MECR: variants seen among roughly 807,000 people sequenced by gnomAD.
MECR encodes the protein enoyl-[acyl-carrier-protein] reductase, mitochondrial.
In MECR, 37 loss-of-function variants were observed where a neutral mutation model predicts 49.1. The observed-to-expected ratio is 0.75, with a 90% confidence interval of 0.58 to 0.99. The LOEUF (loss-of-function observed/expected upper bound fraction) is 0.99. Among genes scored for constraint, MECR ranks in the 50% least tolerant of loss-of-function variants. The probability of loss-of-function intolerance (pLI) is 0.00; values close to 1 mark genes in which losing one functional copy is unlikely to be tolerated. For synonymous variants in MECR, 198 were observed against 191.1 expected (o/e 1.04, Z -0.30); for missense variants, 470 against 479.6 (o/e 0.98, Z 0.19).
chr1:29,206,716 CT>C (rs1676673591), intron 4 of MECR, 45 bp downstream of exon 4: 1 of 1,605,900 alleles, frequency 6.2e-7, no homozygotes, highest in Non-Finnish European at 8.5e-7. Flanking sequence ...GAGTGGCACC[CT>C]AGTTGCGAGA....
At chr1:29,170,966 CTT>C in the MECR span, 1 of 152,184 alleles carries the variant, frequency 6.6e-6, no homozygotes, top group Admixed American at 6.5e-5. Flanking sequence ...GCCTGGGAGA[CTT>C]TCATCTCAAC....
chr1:29,217,391 T>TTA (rs1350880307), intron 1 of MECR, among the ~76,000 whole-genome samples: 29 of 151,544 alleles, frequency 1.9e-4, no homozygotes, highest in African/African-American at 6.5e-4. Flanking sequence ...ATTTATTTAT[T>TTA]TTTTTAGTAG....
At chr1:29,186,920 A>G in the MECR span, among the ~76,000 whole-genome samples, 65 of 152,220 alleles carry the variant, frequency 4.3e-4, no homozygotes, top group Non-Finnish European at 8.1e-4. Flanking sequence ...TAACATCTCA[A>G]TGACATAGGA....
intron 4 of MECR, among the ~76,000 whole-genome samples, chr1:29,205,122 T>C (rs534164197): frequency 6.6e-6 from 1 of 152,136 alleles, no homozygotes; most frequent in East Asian, 1.9e-4. Context: ...AACAATGGGG[T>C]GTGAGAATTA....
the MECR span, among the ~76,000 whole-genome samples, chr1:29,185,556 C>T: frequency 1.3e-5 from 2 of 152,206 alleles, no homozygotes; most frequent in African/African-American, 4.8e-5. Flanking sequence ...GCTGGGATTA[C>T]AGGCATGTGC....
At chr1:29,185,890 G>C in the MECR span, among the ~76,000 whole-genome samples, 1 of 152,084 alleles carries the variant, frequency 6.6e-6, no homozygotes, top group African/African-American at 2.4e-5. Flanking sequence ...AGGCTGAGAT[G>C]GGGGGGATCT....
intron 3 of MECR, among the ~76,000 whole-genome samples, chr1:29,211,501 G>A (rs1387225869): frequency 6.6e-6 from 1 of 152,206 alleles, no homozygotes; most frequent in Non-Finnish European, 1.5e-5. Context: ...TTACTATTTG[G>A]CCCTTTAAGA....
Position 29,201,886 on chromosome 1 carries a change from A to G in MECR, c.756+57T>C. 13 of 1,409,272 alleles carry G rather than the reference A, an allele frequency of 9.2e-6. No individual in the cohort carries two copies. Among genetic ancestry groups the G allele is most frequent in the African/African-American group, 1.4e-5 (1 of 70,524 alleles). The allele number at this position is 1,409,272 out of a possible 1,614,324, so 87.3% of individuals were successfully genotyped here. ...TCCCCAGTTTCTCTAATGCATGTCAACTTTCTTCAGGGAGATGTGCGTGGA... is the reference window on the plus strand; with the variant it reads ...TCCCCAGTTTCTCTAATGCATGTCAGCTTTCTTCAGGGAGATGTGCGTGGA... On this transcript the variant is annotated intron_variant, in intron 6 of 9. Coordinates refer to ENST00000263702, the MANE Select transcript of MECR (RefSeq NM_016011.5). The surrounding 1 kb of genome is among the most constrained non-coding windows in gnomAD (Gnocchi z 4.3).
At chr1:29,181,755 C>G in the MECR span, 4 of 1,574,894 alleles carry the variant, frequency 2.5e-6, no homozygotes, top group Non-Finnish European at 2.6e-6. Context: ...CGCGGCATCC[C>G]GGCAACGGCA....
At chr1:29,211,428 G>A (rs1350372951) in intron 3 of MECR, among the ~76,000 whole-genome samples, 3 of 152,236 alleles carry the variant, frequency 2.0e-5, no homozygotes, top group Non-Finnish European at 4.4e-5. Context: ...ATTGCCTGTG[G>A]CTGTTTACGA....
chr1:29,185,616 C>T, the MECR span, among the ~76,000 whole-genome samples: 2 of 152,158 alleles, frequency 1.3e-5, no homozygotes, highest in Non-Finnish European at 2.9e-5. Context: ...GGTTTCTCCA[C>T]GTTGGTCAGG....
the MECR span, among the ~76,000 whole-genome samples, chr1:29,184,170 A>T: frequency 8.6e-6 from 1 of 115,722 alleles, no homozygotes; most frequent in Non-Finnish European, 1.7e-5. Flanking sequence ...GAGCCACTGT[A>T]CCCGGCTTTT....
At chr1:29,230,445 T>C in intron 1 of MECR, 1 of 412,980 alleles carries the variant, frequency 2.4e-6, no homozygotes. Context: ...CCCCAAAACA[T>C]TGTTGTGACA....
chr1:29,193,888 C>T lies in MECR; in HGVS notation c.*134G>A. On this transcript the variant is annotated 3_prime_UTR_variant, in exon 10 of 10. Coordinates refer to ENST00000263702, the MANE Select transcript of MECR (RefSeq NM_016011.5). ...CCCTGGGGAAAACCGTGGCTGGCTTCACCATCCTCCTAATAGGAAGAGGCA... is the reference window on the plus strand; with the variant it reads ...CCCTGGGGAAAACCGTGGCTGGCTTTACCATCCTCCTAATAGGAAGAGGCA... The T allele has an allele frequency of 3.6e-6, 4 of 1,126,228 alleles. No individual in the cohort carries two copies. Among genetic ancestry groups the T allele is most frequent in the Non-Finnish European group, 3.8e-6 (3 of 794,338 alleles). The allele number at this position is 1,126,228 out of a possible 1,614,324, so 69.8% of individuals were successfully genotyped here. A position where few individuals can be genotyped will look rare whatever the true frequency, so the allele number is the denominator to read the frequency against.
At chr1:29,196,371 G>A (rs1673999476) in intron 7 of MECR, 113 bp from the exon 8 acceptor site, 8 of 921,608 alleles carry the variant, frequency 8.7e-6, no homozygotes, top group Non-Finnish European at 1.3e-5. Context: ...CCTGCTCTCA[G>A]AATCTCTGGG....
chr1:29,224,972 C>T (rs532784817), intron 1 of MECR, among the ~76,000 whole-genome samples: 38 of 152,304 alleles, frequency 2.5e-4, no homozygotes, highest in African/African-American at 7.7e-4. Context: ...GCTTTCCTCC[C>T]GGACTCTCTG....
rs749158767 is a variant in MECR, at chr1:29,216,029, C to T, written c.382G>A (p.Val128Met). 1.2e-6 allele frequency: 2 copies of T among 1,614,150 alleles called. No individual in the cohort carries two copies. The highest frequency in any genetic ancestry group is 1.1e-5 in the South Asian group (1 of 91,080). The change falls in exon 3 of 10, where the codon GTG becomes ATG. Residue 128 changes from valine to methionine, a missense_variant. Val to Met is a conservative substitution (Grantham distance 21). Transcript: ENST00000263702. ...CCTAAACCAGCATTTGCTGGAATCA[C>T]CCAGTCTCCTGGCTTCAGCCCGGTC... Reference protein sequence around the residue: ...NVTGLKPGDWVIPANAGLGTW... With the variant: ...NVTGLKPGDWMIPANAGLGTW...
the MECR span, among the ~76,000 whole-genome samples, chr1:29,180,592 T>C: frequency 1.3e-5 from 2 of 152,152 alleles, no homozygotes; most frequent in African/African-American, 4.8e-5. Flanking sequence ...ATTACAACTG[T>C]TGCAAAGTAG....
Position 29,196,201 on chromosome 1 carries a change from A to G in MECR, c.888T>C (p.Ser296=), listed in dbSNP as rs1673943750. ...GGMAKQPVVA[S]VSLLIFKDLK... is the part of the protein sequence containing the mutation. The stretch of plus-strand genomic sequence containing the variant: ...CCTCCCTCTGCACCCAGCTTACCAC[A>G]GAGGCTACGACGGGCTGCTTGGCCA... Residue 296 remains serine, a synonymous_variant, in exon 8 of 10, where the codon TCT becomes TCC. Transcript: ENST00000263702. 6.2e-7 allele frequency: 1 copy of G among 1,614,194 alleles called. No individual in the cohort carries two copies.
Sources: gnomAD v4.1 joint callset for allele counts (sites outside exome capture counted in the v4.1 genomes callset) on GRCh38, gnomAD v4.1.1 for gene constraint, Gnocchi (gnomAD v3.1) non-coding constraint, MANE v1.5 for transcripts, NCBI Gene and HGNC (gene_info 2026-07-23, HGNC 2026-07-21) for gene names.